Variants in GALNT1 observed in about 807,000 individuals in gnomAD.
GALNT1 encodes polypeptide N-acetylgalactosaminyltransferase 1.
In GALNT1, 17 loss-of-function variants were observed where a neutral mutation model predicts 65.7. That is an observed-to-expected ratio of 0.26 (90% CI 0.18 to 0.39). The LOEUF is 0.39. GALNT1 is among the 10% of genes least tolerant of loss of function. The pLI, the probability that GALNT1 is intolerant of heterozygous loss-of-function variation, is 1.00. For missense variants in GALNT1, 460 were observed against 672.8 expected (o/e 0.68, Z 3.50); for synonymous variants, 210 against 219.7 (o/e 0.96, Z 0.39).
intron 3 of GALNT1, among the ~76,000 whole-genome samples, chr18:35,666,524 T>C (rs779145093): frequency 6.6e-6 from 1 of 152,224 alleles, no homozygotes; most frequent in Non-Finnish European, 1.5e-5. Flanking sequence ...TCAACTATTA[T>C]TGTTTCTGGT....
At chr18:35,705,850 T>C (rs2048248813) in intron 11 of GALNT1, among the ~76,000 whole-genome samples, 1 of 152,220 alleles carries the variant, frequency 6.6e-6, no homozygotes, top group African/African-American at 2.4e-5. Flanking sequence ...TTCTTAGCTT[T>C]TCCTTGTGGC....
At chr18:35,670,042 C>T (rs2047610136) in intron 3 of GALNT1, among the ~76,000 whole-genome samples, 1 of 152,180 alleles carries the variant, frequency 6.6e-6, no homozygotes, top group South Asian at 2.1e-4. Flanking sequence ...GTAACCCTAG[C>T]ACTTTGGGCA....
intron 1 of GALNT1, among the ~76,000 whole-genome samples, chr18:35,629,394 G>A (rs1219950934): frequency 6.6e-6 from 1 of 152,204 alleles, no homozygotes; most frequent in Non-Finnish European, 1.5e-5. Flanking sequence ...CAAGCCAGAA[G>A]AGAGTGGGGG....
At chr18:35,643,546 G>C (rs532787113) in intron 1 of GALNT1, among the ~76,000 whole-genome samples, 2 of 152,116 alleles carry the variant, frequency 1.3e-5, no homozygotes, top group African/African-American at 4.8e-5. Flanking sequence ...GGCAGATCAC[G>C]AGGTCAGGAG....
intron 3 of GALNT1, among the ~76,000 whole-genome samples, chr18:35,677,247 C>G (rs1163923570): frequency 6.6e-6 from 1 of 152,130 alleles, no homozygotes; most frequent in African/African-American, 2.4e-5. Context: ...GGTTCTAATT[C>G]TTTGTCTAAT....
chr18:35,626,095 A>G (rs1316278074), intron 1 of GALNT1, among the ~76,000 whole-genome samples: 1 of 152,086 alleles, frequency 6.6e-6, no homozygotes, highest in East Asian at 1.9e-4. Context: ...TTCCTAACTC[A>G]TACCAATTCT....
At chr18:35,628,295 A>G (rs1268735122) in intron 1 of GALNT1, among the ~76,000 whole-genome samples, 2 of 152,204 alleles carry the variant, frequency 1.3e-5, no homozygotes, top group African/African-American at 2.4e-5. Context: ...AACCCCAAGT[A>G]GCCTAACTGG....
intron 5 of GALNT1, among the ~76,000 whole-genome samples, chr18:35,684,976 A>G (rs1382981948): frequency 6.6e-6 from 1 of 152,164 alleles, no homozygotes; most frequent in Admixed American, 6.5e-5. Flanking sequence ...AATTAATCCC[A>G]CCACATCAGA....
At position 35,663,810 on chromosome 18, in the gene GALNT1, C is replaced by T; in HGVS notation, c.314+8C>T. On this transcript the variant is annotated splice_region_variant and intron_variant, in intron 3 of 11. Transcript: ENST00000269195. ...AGATGTTAGGTTAGAAGGGTAAGTACTTACTGTGGTCCTGATAGTATGTGA... is the reference window on the plus strand; with the variant it reads ...AGATGTTAGGTTAGAAGGGTAAGTATTTACTGTGGTCCTGATAGTATGTGA... The T allele has an allele frequency of 1.2e-6, 2 of 1,611,746 alleles. No homozygotes were observed. Among genetic ancestry groups the T allele is most frequent in the Non-Finnish European group, 1.7e-6 (2 of 1,178,878 alleles).
chr18:35,588,449 G>T (rs2046403091), intron 1 of GALNT1, among the ~76,000 whole-genome samples: 1 of 152,170 alleles, frequency 6.6e-6, no homozygotes, highest in Non-Finnish European at 1.5e-5. Context: ...GGTTCACTCA[G>T]ATTCCTAAAT....
intron 6 of GALNT1, 29 bp from the exon 7 acceptor site, chr18:35,689,144 G>T: frequency 7.3e-7 from 1 of 1,373,742 alleles, no homozygotes; most frequent in Middle Eastern, 1.8e-4. Context: ...ATTTTAAATT[G>T]CTAATGGTAT....
At chr18:35,677,920 G>T (rs1399704684) in intron 4 of GALNT1, among the ~76,000 whole-genome samples, 163 bp downstream of exon 4, 2 of 152,118 alleles carry the variant, frequency 1.3e-5, no homozygotes, top group East Asian at 3.8e-4. Context: ...GTACACCCTT[G>T]TGAAACTTAA....
chr18:35,678,346 C>A (rs539618423), intron 4 of GALNT1, among the ~76,000 whole-genome samples: 5 of 141,364 alleles, frequency 3.5e-5, no homozygotes, highest in African/African-American at 1.1e-4. Flanking sequence ...AGACTCTTGC[C>A]CACGTCCTTC....
At chr18:35,697,051 ATAG>A (rs2048070000) in intron 9 of GALNT1, among the ~76,000 whole-genome samples, 1 of 152,236 alleles carries the variant, frequency 6.6e-6, no homozygotes, top group South Asian at 2.1e-4. Context: ...AATGTCAAAA[ATAG>A]TAGTTTTAAA....
chr18:35,645,552 T>A (rs1407618181), intron 1 of GALNT1, among the ~76,000 whole-genome samples: 1 of 152,112 alleles, frequency 6.6e-6, no homozygotes, highest in Non-Finnish European at 1.5e-5. Flanking sequence ...ATATTCTAAA[T>A]AGTTATAACT....
intron 1 of GALNT1, among the ~76,000 whole-genome samples, chr18:35,623,594 T>C (rs550112578): frequency 6.6e-6 from 1 of 152,290 alleles, no homozygotes; most frequent in South Asian, 2.1e-4. Flanking sequence ...TGAGGCTCTG[T>C]TCATTAAAGA....
intron 4 of GALNT1, among the ~76,000 whole-genome samples, chr18:35,681,084 ACTC>A: frequency 6.6e-6 from 1 of 151,982 alleles, no homozygotes; most frequent in Non-Finnish European, 1.5e-5. Flanking sequence ...CTTCTCTACT[ACTC>A]CTTAGAGTTT....
At position 35,709,839 on chromosome 18, in the gene GALNT1, A is replaced by AT; in HGVS notation, c.*71dup. ...CTACCTCAGCATACATTTCTGCCAC[A>AT]TTCTTAAGTAGCAAAAAAGGAAAAG... On this transcript the variant is annotated 3_prime_UTR_variant, in exon 12 of 12. Coordinates refer to ENST00000269195, the MANE Select transcript of GALNT1 (RefSeq NM_020474.4). 6.4e-7 allele frequency: 1 copy of AT among 1,556,172 alleles called. No homozygotes were observed. The highest frequency in any genetic ancestry group is 8.8e-7 in the Non-Finnish European group (1 of 1,142,376).
chr18:35,705,970 G>C (rs2048251562), intron 11 of GALNT1, among the ~76,000 whole-genome samples: 1 of 152,108 alleles, frequency 6.6e-6, no homozygotes, highest in South Asian at 2.1e-4. Context: ...AAAGTAAAAG[G>C]TTTTTCTGGA....
Sources: gnomAD v4.1 joint callset for allele counts (sites outside exome capture counted in the v4.1 genomes callset) on GRCh38, gnomAD v4.1.1 for gene constraint, MANE v1.5 for transcripts, NCBI Gene and HGNC (gene_info 2026-07-23, HGNC 2026-07-21) for gene names.